The following HERC3 variants were observed in gnomAD, a reference collection of about 807,000 sequenced individuals.
HERC3 encodes probable E3 ubiquitin-protein ligase HERC3.
In HERC3, 58 loss-of-function variants were observed where a neutral mutation model predicts 129.9. That is an observed-to-expected ratio of 0.45 (90% CI 0.36 to 0.56). HERC3 has a LOEUF of 0.56. Ranked by LOEUF, HERC3 falls within the 20% of genes least tolerant of loss-of-function variation. The probability of loss-of-function intolerance (pLI) is 0.00; values close to 1 mark genes in which losing one functional copy is unlikely to be tolerated. For missense variants in HERC3, 835 were observed against 1,244.2 expected, an observed-to-expected ratio of 0.67 and a Z score of 4.95; for synonymous variants, 430 against 451.0, an observed-to-expected ratio of 0.95 and a Z score of 0.59.
chr4:88,667,976 C>T lies in HERC3; in HGVS notation c.1528C>T (p.Leu510=). The change falls in exon 14 of 26, where the codon CTA becomes TTA. Residue 510 remains leucine, a synonymous_variant. Transcript: ENST00000402738. ...DVEAMRIYLI[L]PEFPLLQDSK... ...TGAAGCCATGAGAATCTATTTAATA[C>T]TACCTGAGTTTCCCCTACTCCAGGA... The T allele has an allele frequency of 6.2e-7, 1 of 1,612,142 alleles. No individual in the cohort carries two copies. Among genetic ancestry groups the T allele is most frequent in the Non-Finnish European group, 8.5e-7 (1 of 1,178,186 alleles).
chr4:88,651,373 A>C (rs754709766), intron 4 of HERC3, among the ~76,000 whole-genome samples: 1 of 152,188 alleles, frequency 6.6e-6, no homozygotes, highest in Non-Finnish European at 1.5e-5. Flanking sequence ...GTGGAAAGTA[A>C]CATAGCTTTG....
At chr4:88,671,965 A>G (rs180887965) in intron 16 of HERC3, among the ~76,000 whole-genome samples, 2 of 152,336 alleles carry the variant, frequency 1.3e-5, no homozygotes, top group East Asian at 3.9e-4. Flanking sequence ...TGTTTTATCA[A>G]TTTATGAATA....
At chr4:88,526,168 T>G in the HERC3 span, among the ~76,000 whole-genome samples, 1 of 152,240 alleles carries the variant, frequency 6.6e-6, no homozygotes, top group Non-Finnish European at 1.5e-5. Flanking sequence ...GTAAACATTC[T>G]GATGGAAAGG....
chr4:88,587,173 T>C, the HERC3 span, among the ~76,000 whole-genome samples: 2 of 152,224 alleles, frequency 1.3e-5, no homozygotes, highest in Non-Finnish European at 2.9e-5. Context: ...AAGGTGGCCG[T>C]AAAGTCTGGA....
chr4:88,689,938 C>A, intron 23 of HERC3: 2 of 910,976 alleles, frequency 2.2e-6, no homozygotes, highest in Non-Finnish European at 2.6e-6. Context: ...CATTCATTAA[C>A]CATTTTTTTT....
At chr4:88,555,485 T>C in the HERC3 span, among the ~76,000 whole-genome samples, 10 of 152,296 alleles carry the variant, frequency 6.6e-5, no homozygotes, top group Middle Eastern at 3.4e-3. Flanking sequence ...AGAAATTTTG[T>C]TTACAAGTGG....
chr4:88,550,934 G>C, the HERC3 span, among the ~76,000 whole-genome samples: 2 of 150,916 alleles, frequency 1.3e-5, no homozygotes. Flanking sequence ...TACCAAAACA[G>C]AGATATAGAT....
intron 3 of HERC3, among the ~76,000 whole-genome samples, chr4:88,641,856 G>A (rs1005233046): frequency 6.6e-6 from 1 of 152,234 alleles, no homozygotes; most frequent in Non-Finnish European, 1.5e-5. Flanking sequence ...CGGTGCTCAT[G>A]CCTGTAATCC....
chr4:88,540,194 A>G, the HERC3 span, among the ~76,000 whole-genome samples: 1 of 152,234 alleles, frequency 6.6e-6, no homozygotes, highest in Non-Finnish European at 1.5e-5. Context: ...AAATCTTGAA[A>G]AAAGGTTAGA....
chr4:88,690,401 C>G (rs2924366), intron 23 of HERC3: 2 of 985,026 alleles, frequency 2.0e-6, no homozygotes, highest in African/African-American at 3.5e-5. Context: ...CGTGTGAGTA[C>G]GTATGTAGAT....
the HERC3 span, among the ~76,000 whole-genome samples, chr4:88,558,621 A>G: frequency 6.6e-6 from 1 of 152,142 alleles, no homozygotes; most frequent in Non-Finnish European, 1.5e-5. Context: ...CAAGTAACCA[A>G]AAACCACCTG....
chr4:88,632,789 AAT>A (rs1469713590), intron 3 of HERC3, among the ~76,000 whole-genome samples: 1 of 152,216 alleles, frequency 6.6e-6, no homozygotes, highest in Non-Finnish European at 1.5e-5. Context: ...CAAAAAGTCT[AAT>A]ATGTCTTTAG....
At position 88,654,932 on chromosome 4, in the gene HERC3, A is replaced by G. The variant is rs373015225; in HGVS notation, c.778-242A>G. 2.6e-4 allele frequency among the ~76,000 whole-genome samples: 39 copies of G among 152,328 alleles called. No individual in the cohort carries two copies. In the East Asian group the frequency reaches 3.5e-3, roughly 14 times the overall value. ...ATCATTGTACTTTCAAACGATTTTA[A>G]AAATTTACAGAAGGCACACATTCCT... On this transcript the variant is annotated intron_variant, in intron 7 of 25. Transcript: ENST00000402738.
chr4:88,548,908 T>G, the HERC3 span, among the ~76,000 whole-genome samples: 1 of 152,044 alleles, frequency 6.6e-6, no homozygotes, highest in Non-Finnish European at 1.5e-5. Context: ...TGATCCGCCC[T>G]CATCAGCCTC....
intron 17 of HERC3, 37 bp downstream of exon 17, chr4:88,676,278 C>T (rs1041705870): frequency 1.3e-6 from 2 of 1,570,146 alleles, no homozygotes; most frequent in African/African-American, 2.7e-5. Flanking sequence ...TTATATTTTT[C>T]CAGCTATACT....
intron 3 of HERC3, among the ~76,000 whole-genome samples, chr4:88,612,214 A>C (rs574626144): frequency 6.6e-6 from 1 of 151,510 alleles, no homozygotes; most frequent in South Asian, 2.1e-4. Context: ...GCTGTTGCTG[A>C]CCCTGAGACT....
chr4:88,632,189 C>A (rs957813817), intron 3 of HERC3, among the ~76,000 whole-genome samples: 3 of 152,108 alleles, frequency 2.0e-5, no homozygotes, highest in East Asian at 1.9e-4. Context: ...GTTCTGCATG[C>A]GTGGATTTAT....
intron 3 of HERC3, among the ~76,000 whole-genome samples, chr4:88,621,636 A>T (rs967055004): frequency 6.6e-6 from 1 of 152,104 alleles, no homozygotes; most frequent in Non-Finnish European, 1.5e-5. Context: ...GCCTGTAGTG[A>T]TCTGCATGTC....
the HERC3 span, among the ~76,000 whole-genome samples, chr4:88,550,045 A>T: frequency 6.6e-6 from 1 of 152,190 alleles, no homozygotes; most frequent in East Asian, 1.9e-4. Context: ...ATAAGGGGAT[A>T]GTGAAACTTA....
Sources: gnomAD v4.1 joint callset for allele counts (sites outside exome capture counted in the v4.1 genomes callset) on GRCh38, gnomAD v4.1.1 for gene constraint, MANE v1.5 for transcripts, NCBI Gene and HGNC (gene_info 2026-07-23, HGNC 2026-07-21) for gene names.